The following SOX6 variants were observed in gnomAD, a reference collection of about 807,000 sequenced individuals.
The protein encoded by SOX6 is SRY-box transcription factor 6.
SOX6 carries 11 observed loss-of-function variants against 97.8 expected under a neutral mutation model. The ratio of observed to expected loss-of-function variants is 0.11; its 90% confidence interval spans 0.07 to 0.19. The LOEUF (loss-of-function observed/expected upper bound fraction) is 0.19, where lower values mean the gene tolerates loss of function less well. Among genes scored for constraint, SOX6 ranks in the 10% least tolerant of loss-of-function variants. The probability of loss-of-function intolerance (pLI) is 1.00; values close to 1 mark genes in which losing one functional copy is unlikely to be tolerated. For missense variants in SOX6, 810 were observed against 1,039.5 expected (o/e 0.78, Z 3.04); for synonymous variants, 360 against 371.4 (o/e 0.97, Z 0.35).
At chr11:16,215,541 T>A (rs1519124) in intron 4 of SOX6, among the ~76,000 whole-genome samples, 72,576 of 151,930 alleles carry the variant, frequency 0.48, 17,515 homozygotes, top group South Asian at 0.61. Flanking sequence ...CTCTCATGAC[T>A]TATCTAGGCA....
chr11:16,541,389 T>C (rs1861406178), intron 4 of SOX6, among the ~76,000 whole-genome samples: 1 of 151,996 alleles, frequency 6.6e-6, no homozygotes, highest in Non-Finnish European at 1.5e-5. Flanking sequence ...ACCTAGGCAA[T>C]ACCATTCAAG....
chr11:16,683,272 G>C (rs1264501621), intron 3 of SOX6, among the ~76,000 whole-genome samples: 2 of 152,148 alleles, frequency 1.3e-5, no homozygotes, highest in Non-Finnish European at 2.9e-5. Flanking sequence ...AGCCCACATA[G>C]CCAAGAAAAT....
chr11:16,393,122 C>A (rs939634149), intron 1 of SOX6, among the ~76,000 whole-genome samples: 25 of 152,046 alleles, frequency 1.6e-4, no homozygotes, highest in African/African-American at 6.0e-4. Flanking sequence ...TAACTTGAGT[C>A]TAGCGCTCCA....
chr11:16,127,606 C>A (rs1257695385), intron 6 of SOX6, among the ~76,000 whole-genome samples: 1 of 152,126 alleles, frequency 6.6e-6, no homozygotes, highest in Non-Finnish European at 1.5e-5. Context: ...TTGTTAGCCA[C>A]TCTCAAACAT....
At chr11:16,561,559 T>C (rs994498093) in intron 4 of SOX6, among the ~76,000 whole-genome samples, 6 of 152,100 alleles carry the variant, frequency 3.9e-5, no homozygotes, top group African/African-American at 7.2e-5. Context: ...ACTAGAACAA[T>C]AGGTATTTAA....
At chr11:16,123,743 C>G (rs918004900) in intron 6 of SOX6, among the ~76,000 whole-genome samples, 50 of 152,064 alleles carry the variant, frequency 3.3e-4, no homozygotes, top group African/African-American at 1.2e-3. Context: ...CTGAAGATGA[C>G]TATAAGGATA....
chr11:16,388,033 G>A (rs1353779202), intron 1 of SOX6, among the ~76,000 whole-genome samples: 4 of 152,120 alleles, frequency 2.6e-5, no homozygotes, highest in Admixed American at 2.6e-4. Context: ...TGGGAAGAAA[G>A]CATTCACTAT....
intron 9 of SOX6, among the ~76,000 whole-genome samples, chr11:16,088,650 A>C (rs968356186): frequency 6.6e-6 from 1 of 152,212 alleles, no homozygotes; most frequent in Non-Finnish European, 1.5e-5. Flanking sequence ...AATAAGTGTT[A>C]AGTTATTCCA....
intron 1 of SOX6, among the ~76,000 whole-genome samples, chr11:16,442,765 G>A (rs972313962): frequency 1.1e-4 from 16 of 152,050 alleles, no homozygotes; most frequent in Middle Eastern, 3.4e-3. Context: ...ATCACACTCC[G>A]TACAACTTCA....
At chr11:16,706,355 G>A (rs1225619691) in intron 3 of SOX6, among the ~76,000 whole-genome samples, 3 of 146,090 alleles carry the variant, frequency 2.1e-5, no homozygotes, top group African/African-American at 5.1e-5. Context: ...GGCTGAGGCT[G>A]GAGGATCACT....
intron 6 of SOX6, among the ~76,000 whole-genome samples, chr11:16,120,369 T>C (rs1849458910): frequency 6.6e-6 from 1 of 151,742 alleles, no homozygotes; most frequent in African/African-American, 2.4e-5. Flanking sequence ...TCTAATATAA[T>C]GTAATGTCTT....
chr11:16,622,122 AT>A (rs1848553218), intron 3 of SOX6, among the ~76,000 whole-genome samples: 1 of 152,206 alleles, frequency 6.6e-6, no homozygotes, highest in Non-Finnish European at 1.5e-5. Context: ...ATGTGTGACA[AT>A]GGACCTCTAC....
intron 2 of SOX6, among the ~76,000 whole-genome samples, chr11:16,719,521 A>G (rs1848243406): frequency 6.6e-6 from 1 of 152,238 alleles, no homozygotes. Flanking sequence ...TTTACTAATT[A>G]GTAAACATGC....
At chr11:16,515,890 C>T (rs71484725) in intron 4 of SOX6, among the ~76,000 whole-genome samples, 19,921 of 131,942 alleles carry the variant, frequency 0.15, 1,594 homozygotes, top group Non-Finnish European at 0.16. Context: ...GGGCTCTGTT[C>T]TGTTCCATTG....
intron 6 of SOX6, among the ~76,000 whole-genome samples, chr11:16,123,717 A>G (rs562503938): frequency 6.6e-6 from 1 of 152,140 alleles, no homozygotes; most frequent in African/African-American, 2.4e-5. Flanking sequence ...ATCTCCCTTT[A>G]ATGAACAAGG....
intron 1 of SOX6, among the ~76,000 whole-genome samples, chr11:16,350,210 T>A (rs1856903736): frequency 1.3e-5 from 2 of 152,180 alleles, no homozygotes; most frequent in Non-Finnish European, 2.9e-5. Flanking sequence ...TGTTCCTCTT[T>A]CTCCATTCCT....
intron 4 of SOX6, among the ~76,000 whole-genome samples, chr11:16,498,354 A>G (rs1008130116): frequency 2.0e-5 from 3 of 152,238 alleles, no homozygotes; most frequent in African/African-American, 7.2e-5. Flanking sequence ...CTGCAAAAAC[A>G]TGCCAAATTG....
At position 16,607,916 on chromosome 11, in the gene SOX6, G is replaced by T. The variant is rs1848354549; in HGVS notation, n.609+4165C>A. On this transcript the variant is annotated intron_variant and non_coding_transcript_variant, in intron 4 of 5. Transcript: ENST00000524520. The surrounding 1 kb of genome is among the most constrained non-coding windows in gnomAD (Gnocchi z 6.5). ...CCGGGGGAAGAAGGAGGGGAGAGCG[G>T]GAGGCAAAGGCAAGAGAGAGCCGCA... is the stretch of plus-strand genomic sequence containing the variant. Among the ~76,000 whole-genome samples the T allele has an allele frequency of 6.6e-6, 1 of 152,058 alleles. No homozygotes were observed.
chr11:16,649,317 A>G (rs922348216), intron 3 of SOX6, among the ~76,000 whole-genome samples: 2 of 152,238 alleles, frequency 1.3e-5, no homozygotes, highest in African/African-American at 4.8e-5. Context: ...GCATATATTC[A>G]TCAGACTATC....
Sources: allele counts gnomAD v4.1 joint callset (sites outside exome capture counted in the v4.1 genomes callset), GRCh38; gene constraint gnomAD v4.1.1; non-coding constraint Gnocchi (gnomAD v3.1); transcripts MANE v1.5; gene names NCBI Gene and HGNC (gene_info 2026-07-23, HGNC 2026-07-21).